Variants in PTPRN2 observed in about 807,000 individuals in gnomAD.
PTPRN2 encodes protein tyrosine phosphatase receptor type N2, also known as receptor-type tyrosine-protein phosphatase N2.
Under a neutral mutation model 118.8 loss-of-function variants are expected in PTPRN2, and 74 were observed. That is an observed-to-expected ratio of 0.62 (90% CI 0.52 to 0.76). The LOEUF is 0.76. Ranked by LOEUF, PTPRN2 falls within the 30% of genes least tolerant of loss-of-function variation. PTPRN2 has a pLI of 0.00. For synonymous variants in PTPRN2, 641 were observed against 608.0 expected (o/e 1.05, Z -0.80); for missense variants, 1,481 against 1,394.4 (o/e 1.06, Z -0.99).
At position 157,861,574 on chromosome 7, in the gene PTPRN2, T is replaced by C. The variant is rs965998925; in HGVS notation, c.1788+37099A>G. Among the ~76,000 whole-genome samples, 4 of 152,192 alleles carry C rather than the reference T, an allele frequency of 2.6e-5. No individual in the cohort carries two copies. The highest frequency in any genetic ancestry group is 5.9e-5 in the Non-Finnish European group (4 of 68,040). ...GCTCCCTGTACTCAAAGCCGAGCTG[T>C]GTGAGGCTTTTGGGGCTGCCAGAAC... On this transcript the variant is annotated intron_variant, in intron 12 of 22. Transcript: ENST00000389418. This position sits in a 1 kb window ranked among gnomAD's most constrained non-coding sequence, Gnocchi z 5.8.
At chr7:158,317,764 C>T (rs772020548) in intron 2 of PTPRN2, among the ~76,000 whole-genome samples, 11 of 152,152 alleles carry the variant, frequency 7.2e-5, no homozygotes, top group Non-Finnish European at 1.2e-4. Flanking sequence ...TAGGTTTCGC[C>T]GTGCAGCTTG....
chr7:157,917,148 G>A (rs975197313), intron 11 of PTPRN2, among the ~76,000 whole-genome samples: 5 of 152,074 alleles, frequency 3.3e-5, no homozygotes, highest in African/African-American at 1.2e-4. Context: ...CCACGGCAGG[G>A]GCTGGCCACG....
intron 12 of PTPRN2, among the ~76,000 whole-genome samples, chr7:157,702,182 G>A (rs1330064827): frequency 6.6e-6 from 1 of 150,990 alleles, no homozygotes; most frequent in Non-Finnish European, 1.5e-5. Context: ...GGGTTTGTAA[G>A]AGAGCCGGGT....
chr7:158,303,964 G>T (rs975001443), intron 3 of PTPRN2, among the ~76,000 whole-genome samples: 3 of 152,256 alleles, frequency 2.0e-5, no homozygotes, highest in Non-Finnish European at 4.4e-5. Flanking sequence ...TGTGCCCAAG[G>T]TGGATGGGCT....
intron 2 of PTPRN2, among the ~76,000 whole-genome samples, chr7:158,337,783 C>T (rs113879187): frequency 3.0e-5 from 1 of 33,430 alleles, no homozygotes. Context: ...TCACTCACAC[C>T]CACACTCTCA....
chr7:158,400,150 T>C (rs867023224), intron 2 of PTPRN2, among the ~76,000 whole-genome samples: 49 of 152,290 alleles, frequency 3.2e-4, no homozygotes, highest in African/African-American at 1.1e-3. Context: ...TTAGAGGTTT[T>C]AATGAGGATG....
intron 2 of PTPRN2, among the ~76,000 whole-genome samples, chr7:158,379,198 T>A (rs377649452): frequency 6.6e-6 from 1 of 152,132 alleles, no homozygotes; most frequent in South Asian, 2.1e-4. Flanking sequence ...TGTCCACACG[T>A]AGGATGCTCC....
At chr7:158,276,303 CGG>C (rs1798977329) in intron 3 of PTPRN2, among the ~76,000 whole-genome samples, 1 of 71,654 alleles carries the variant, frequency 1.4e-5, no homozygotes, top group African/African-American at 4.1e-5. Context: ...CCCCACACCC[CGG>C]CCCCGACAGG....
intron 14 of PTPRN2, among the ~76,000 whole-genome samples, chr7:157,626,152 C>A (rs1419520337): frequency 1.3e-5 from 2 of 152,200 alleles, no homozygotes; most frequent in African/African-American, 2.4e-5. Context: ...CTCTGAAATG[C>A]CCTGTGGGTT....
At chr7:157,754,836 C>T (rs1801687158) in intron 12 of PTPRN2, among the ~76,000 whole-genome samples, 1 of 151,924 alleles carries the variant, frequency 6.6e-6, no homozygotes, top group Non-Finnish European at 1.5e-5. Context: ...TTCATGAACA[C>T]TCTGCAGCGG....
chr7:158,210,329 G>A (rs1024533209), intron 3 of PTPRN2, among the ~76,000 whole-genome samples: 1 of 151,742 alleles, frequency 6.6e-6, no homozygotes, highest in Admixed American at 6.6e-5. Flanking sequence ...TAGAGACGGG[G>A]TTTCACCGTG....
rs1340858503 is a variant in PTPRN2 at position 157,671,043 on chromosome 7, G to A, written c.2001+11682C>T. On this transcript the variant is annotated intron_variant, in intron 13 of 22. Transcript: ENST00000389418. The surrounding 1 kb of genome is among the most constrained non-coding windows in gnomAD (Gnocchi z 4.1). ...CGCGTAGGGAGGACTCCCCATGGGC[G>A]GGCAGGACTCTGGACCTGAGAATTG... is the stretch of plus-strand genomic sequence containing the variant. Among the ~76,000 whole-genome samples, 8 of 152,316 alleles carry A rather than the reference G, an allele frequency of 5.3e-5. No individual in the cohort carries two copies. The highest frequency in any genetic ancestry group is 2.6e-4 in the Admixed American group (4 of 15,300).
chr7:158,345,535 G>A (rs1011422690), intron 2 of PTPRN2, among the ~76,000 whole-genome samples: 8 of 152,048 alleles, frequency 5.3e-5, no homozygotes, highest in Admixed American at 1.3e-4. Context: ...TTCCACCCCC[G>A]TGGAAAAACC....
At position 158,192,335 on chromosome 7, in the gene PTPRN2, G is replaced by A. The variant is rs138589982; in HGVS notation, c.541C>T (p.Pro181Ser). 6.0e-5 allele frequency: 89 copies of A among 1,477,514 alleles called. No homozygotes were observed. The African/African-American group carries it at 1.2e-3, about 20-fold the overall frequency. The allele number at this position is 1,477,514 out of a possible 1,614,324, so 91.5% of individuals were successfully genotyped here. A position where few individuals can be genotyped will look rare whatever the true frequency, so the allele number is the denominator to read the frequency against. ...GGAAGTGGAAGGGTCACCTCAGCGG[G>A]GGGTCTGTCCTGCGCCGTATGGGTC... ...ARTHTAQDRP[P>S]AEGDDRFSES... Residue 181 changes from proline to serine, a missense_variant, in exon 5 of 23, where the codon CCC (proline) becomes TCC (serine). By Grantham distance (74) the Pro-to-Ser change is moderately conservative. Transcript: ENST00000389418.
At chr7:157,876,356 A>G (rs1382979321) in intron 12 of PTPRN2, among the ~76,000 whole-genome samples, 1 of 152,216 alleles carries the variant, frequency 6.6e-6, no homozygotes, top group Middle Eastern at 3.2e-3. Flanking sequence ...AGCCTGAATT[A>G]ACCAGCAGCG....
intron 11 of PTPRN2, among the ~76,000 whole-genome samples, chr7:158,070,302 G>A (rs1300700836): frequency 7.3e-5 from 11 of 151,282 alleles, no homozygotes; most frequent in Admixed American, 4.6e-4. Flanking sequence ...GGTGGTGGAG[G>A]TGCTCCTGGT....
intron 11 of PTPRN2, among the ~76,000 whole-genome samples, chr7:158,046,132 ACACTGCAATCCTTGCATCCTGG>A: frequency 1.3e-5 from 2 of 149,024 alleles, no homozygotes; most frequent in African/African-American, 2.5e-5. Context: ...TGGCGTCCTG[ACACTGCAATCCTTGCATCCTGG>A]CACTGCCTTG....
In PTPRN2 at chr7:158,397,834, GCAAAA is replaced by G. The variant is rs564351967; in HGVS notation, c.164-80907_164-80903del. Among the ~76,000 whole-genome samples, 129 of 151,264 alleles carry G rather than the reference GCAAAA, an allele frequency of 8.5e-4. 1 individual carries two copies. The highest frequency in any genetic ancestry group is 1.3e-3 in the South Asian group (6 of 4,728). On this transcript the variant is annotated intron_variant, in intron 2 of 22. Coordinates refer to ENST00000389418, the MANE Select transcript of PTPRN2 (RefSeq NM_002847.5). The stretch of plus-strand genomic sequence containing the variant: ...CTACATGCACACACAACTGTGCAAA[GCAAAA>G]CAAAACAAATTGAAAAGCACAAGCA...
rs1243177039 is a variant in PTPRN2, at chr7:157,622,608, C to T, written c.2197-1099G>A. Among the ~76,000 whole-genome samples, 1 of 152,196 alleles carries T rather than the reference C, an allele frequency of 6.6e-6. No homozygotes were observed. The highest frequency in any genetic ancestry group is 1.5e-5 in the Non-Finnish European group (1 of 68,032). On this transcript the variant is annotated intron_variant, in intron 14 of 22. Coordinates refer to ENST00000389418, the MANE Select transcript of PTPRN2 (RefSeq NM_002847.5). This position sits in a 1 kb window ranked among gnomAD's most constrained non-coding sequence, Gnocchi z 5.3. Reference sequence around the variant, plus strand: ...AAGTTTTGACCACAGCCAACCTGAACCCATGCAGCAAACACACACCCTGCT... The same window carrying T: ...AAGTTTTGACCACAGCCAACCTGAATCCATGCAGCAAACACACACCCTGCT...
Sources: gnomAD v4.1 joint callset for allele counts (sites outside exome capture counted in the v4.1 genomes callset) on GRCh38, gnomAD v4.1.1 for gene constraint, Gnocchi (gnomAD v3.1) non-coding constraint, MANE v1.5 for transcripts, NCBI Gene and HGNC (gene_info 2026-07-23, HGNC 2026-07-21) for gene names.